The following SVOP variants were observed in gnomAD, a reference collection of about 807,000 sequenced individuals.
SVOP encodes the protein synaptic vesicle 2-related protein.
Under a neutral mutation model 69.1 loss-of-function variants are expected in SVOP, and 17 were observed. That is an observed-to-expected ratio of 0.25 (90% CI 0.17 to 0.37). SVOP has a LOEUF of 0.37. Ranked by LOEUF, SVOP falls within the 10% of genes least tolerant of loss-of-function variation. The probability of loss-of-function intolerance (pLI) is 1.00; values close to 1 mark genes in which losing one functional copy is unlikely to be tolerated. For synonymous variants in SVOP, 238 were observed against 238.6 expected (o/e 1.00, Z 0.02); for missense variants, 435 against 597.5 (o/e 0.73, Z 2.84).
At chr12:108,988,757 A>C (rs375425248) in intron 1 of SVOP, among the ~76,000 whole-genome samples, 126,438 of 140,894 alleles carry the variant, frequency 0.9, 57,564 homozygotes, top group Non-Finnish European at 0.99. Context: ...TTCCTTTCTT[A>C]CTTCTTTTCT....
chr12:108,978,683 A>G lies in SVOP; in HGVS notation c.197-20T>C. The G allele has an allele frequency of 1.4e-6, 1 of 703,438 alleles. No individual in the cohort carries two copies. Among genetic ancestry groups the G allele is most frequent in the Non-Finnish European group, 2.6e-6 (1 of 384,692 alleles). The allele number at this position is 703,438 out of a possible 1,614,324, so 43.6% of individuals were successfully genotyped here. ...AAGTATCTGGGAAGGAGAAAGGGAG[A>G]GGGAAGGAAGGAATCAGTGCACCTT... On this transcript the variant is annotated intron_variant, in intron 2 of 15. Transcript: ENST00000610966.
intron 15 of SVOP, 38 bp from the exon 16 acceptor site, chr12:108,912,779 T>C: frequency 6.3e-7 from 1 of 1,592,984 alleles, no homozygotes; most frequent in Non-Finnish European, 8.6e-7. Flanking sequence ...AAGCATCCCT[T>C]CTGAAGCACA....
chr12:109,012,137 G>A (rs2040345125), intron 1 of SVOP, among the ~76,000 whole-genome samples: 1 of 152,080 alleles, frequency 6.6e-6, no homozygotes, highest in South Asian at 2.1e-4. Context: ...ACAAAAATTA[G>A]CCGAGTGCAG....
At chr12:109,007,710 T>C (rs1286468755) in intron 1 of SVOP, among the ~76,000 whole-genome samples, 1 of 152,116 alleles carries the variant, frequency 6.6e-6, no homozygotes, top group Non-Finnish European at 1.5e-5. Flanking sequence ...TCTTATGTAA[T>C]GCACTCAACA....
intron 6 of SVOP, among the ~76,000 whole-genome samples, chr12:108,956,748 G>A (rs2039987879): frequency 6.6e-6 from 1 of 152,158 alleles, no homozygotes; most frequent in South Asian, 2.1e-4. Context: ...TGGGACCCAA[G>A]GAGCCCATAT....
chr12:108,954,859 G>A (rs892056288), intron 6 of SVOP, among the ~76,000 whole-genome samples: 1 of 152,150 alleles, frequency 6.6e-6, no homozygotes, highest in South Asian at 2.1e-4. Context: ...GTTAGACCCC[G>A]ATCTCTACCA....
chr12:108,982,504 TATC>T (rs2040142487), intron 2 of SVOP, among the ~76,000 whole-genome samples: 1 of 134,554 alleles, frequency 7.4e-6, no homozygotes, highest in African/African-American at 2.8e-5. Flanking sequence ...TCACCACCAC[TATC>T]ATCACCATCA....
intron 4 of SVOP, among the ~76,000 whole-genome samples, chr12:108,974,503 TC>T: frequency 1.3e-5 from 2 of 152,228 alleles, no homozygotes; most frequent in East Asian, 3.9e-4. Context: ...ATGAATGTGA[TC>T]CTTTTAAGCA....
chr12:108,968,114 T>A (rs1254059092), intron 5 of SVOP, among the ~76,000 whole-genome samples: 1 of 152,176 alleles, frequency 6.6e-6, no homozygotes, highest in Non-Finnish European at 1.5e-5. Flanking sequence ...CTGGAGAGGA[T>A]AAGGCAGTTG....
intron 7 of SVOP, among the ~76,000 whole-genome samples, chr12:108,942,543 C>A (rs757007978): frequency 6.6e-6 from 1 of 152,194 alleles, no homozygotes; most frequent in African/African-American, 2.4e-5. Flanking sequence ...GAGATGGAAG[C>A]GGAGGGAGGA....
chr12:108,956,796 A>C (rs1375145995), intron 6 of SVOP, among the ~76,000 whole-genome samples: 1 of 152,122 alleles, frequency 6.6e-6, no homozygotes, highest in Non-Finnish European at 1.5e-5. Flanking sequence ...TATGGCCTGG[A>C]ATCCGCTGGT....
chr12:109,001,466 T>G (rs1436417616), intron 1 of SVOP, among the ~76,000 whole-genome samples: 2 of 150,294 alleles, frequency 1.3e-5, no homozygotes, highest in Non-Finnish European at 3.0e-5. Flanking sequence ...TATTTTAAAG[T>G]TCATATGGAA....
rs569332585 is a variant in SVOP at position 109,008,675 on chromosome 12, C to T, written c.35+12159G>A. On this transcript the variant is annotated intron_variant, in intron 1 of 15. Coordinates refer to ENST00000610966, the MANE Select transcript of SVOP (RefSeq NM_018711.5). Reference sequence around the variant, plus strand: ...ATTATAAGCATCATCTCAAGGAACCCTCATGCCCTAGGAGGTGGGTTCCAT... The same window carrying T: ...ATTATAAGCATCATCTCAAGGAACCTTCATGCCCTAGGAGGTGGGTTCCAT... Among the ~76,000 whole-genome samples, 3 of 152,212 alleles carry T rather than the reference C, an allele frequency of 2.0e-5. No homozygotes were observed. The South Asian group carries it at 6.2e-4, about 32-fold the overall frequency.
chr12:108,953,136 CT>C (rs36158603), intron 6 of SVOP, among the ~76,000 whole-genome samples: 1,040 of 95,808 alleles, frequency 0.011, 10 homozygotes, highest in Middle Eastern at 0.043. Flanking sequence ...ATCTAATTGA[CT>C]TTTTTTTTTT....
intron 6 of SVOP, among the ~76,000 whole-genome samples, chr12:108,955,908 T>C (rs181835246): frequency 1.1e-4 from 16 of 152,294 alleles, no homozygotes; most frequent in Admixed American, 9.2e-4. Context: ...GCAGGAAGGT[T>C]CAGTGACTTG....
At chr12:109,010,739 C>T (rs569097711) in intron 1 of SVOP, among the ~76,000 whole-genome samples, 85 of 152,174 alleles carry the variant, frequency 5.6e-4, no homozygotes, top group African/African-American at 2.0e-3. Flanking sequence ...CTGAGCTAAG[C>T]GATTCTCCTG....
At chr12:108,937,391 G>GAGAATA in intron 9 of SVOP, 54 bp from the exon 10 acceptor site, 1 of 1,561,096 alleles carries the variant, frequency 6.4e-7, no homozygotes, top group Non-Finnish European at 8.8e-7. Flanking sequence ...ATGCACGGGA[G>GAGAATA]ATGGGCTGGT....
At chr12:108,934,479 T>A (rs7307928) in intron 10 of SVOP, among the ~76,000 whole-genome samples, 76,898 of 151,944 alleles carry the variant, frequency 0.51, 22,038 homozygotes, top group African/African-American at 0.78. Context: ...TGATCCTGTG[T>A]CCTTTGAAAG....
At position 108,981,091 on chromosome 12, in the gene SVOP, G is replaced by A. The variant is rs1010171109; in HGVS notation, c.197-2428C>T. Among the ~76,000 whole-genome samples the A allele has an allele frequency of 2.0e-5, 3 of 152,166 alleles. No individual in the cohort carries two copies. The South Asian group carries it at 6.2e-4, about 32-fold the overall frequency. Reference sequence around the variant, plus strand: ...GTGTGAGCTGGCGTTGATCACATTAGCAGGTTGTGGTTTCCTCCAGCAAAA... The same window carrying A: ...GTGTGAGCTGGCGTTGATCACATTAACAGGTTGTGGTTTCCTCCAGCAAAA... On this transcript the variant is annotated intron_variant, in intron 2 of 15. Transcript: ENST00000610966.
Sources: allele counts gnomAD v4.1 joint callset (sites outside exome capture counted in the v4.1 genomes callset), GRCh38; gene constraint gnomAD v4.1.1; transcripts MANE v1.5; gene names NCBI Gene and HGNC (gene_info 2026-07-23, HGNC 2026-07-21).